Variants in INTU observed in about 807,000 individuals in gnomAD.
The protein encoded by INTU is protein inturned.
In INTU, 68 loss-of-function variants were observed where a neutral mutation model predicts 100.5. The observed-to-expected ratio is 0.68, with a 90% CI of 0.56 to 0.83. INTU has a LOEUF of 0.83. INTU is among the 40% of genes least tolerant of loss of function. The pLI is 0.00. For missense variants in INTU, 1,071 were observed against 1,114.7 expected (o/e 0.96, Z 0.56); for synonymous variants, 357 against 395.7 (o/e 0.90, Z 1.16).
intron 2 of INTU, among the ~76,000 whole-genome samples, chr4:127,647,252 T>C (rs532522149): frequency 6.6e-6 from 1 of 152,360 alleles, no homozygotes; most frequent in South Asian, 2.1e-4. Context: ...AGATTTATCA[T>C]CTTGCAATAA....
At chr4:127,638,038 G>GC (rs1727150825) in intron 1 of INTU, among the ~76,000 whole-genome samples, 1 of 152,162 alleles carries the variant, frequency 6.6e-6, no homozygotes, top group Non-Finnish European at 1.5e-5. Flanking sequence ...CAGCATACAT[G>GC]TTAATGATTG....
At chr4:127,678,942 G>A (rs1251982085) in intron 6 of INTU, among the ~76,000 whole-genome samples, 1 of 151,640 alleles carries the variant, frequency 6.6e-6, no homozygotes, top group African/African-American at 2.4e-5. Context: ...AAAAAGGCAG[G>A]GGTTGCAATC....
intron 2 of INTU, among the ~76,000 whole-genome samples, chr4:127,652,974 A>G (rs1727970767): frequency 6.7e-6 from 1 of 150,270 alleles, no homozygotes; most frequent in African/African-American, 2.5e-5. Context: ...CGAGGAATTT[A>G]TCCATTTCTT....
intron 6 of INTU, among the ~76,000 whole-genome samples, chr4:127,678,049 GA>G (rs1416092593): frequency 2.6e-5 from 4 of 152,088 alleles, no homozygotes; most frequent in Non-Finnish European, 5.9e-5. Flanking sequence ...GAAGTTTAGA[GA>G]AAAAAGAATA....
chr4:127,663,486 G>A lies in INTU; in HGVS notation c.874G>A (p.Gly292Arg), dbSNP rs1345192991. The stretch of plus-strand genomic sequence containing the variant: ...AAGTGATTTAGTCAAGCTTCTCTGG[G>A]GAGAAGAGGTTGAAGGTATCCAGCA... ...NTSDLVKLLWGEEVEGIQQSG... is the reference protein window; with the variant it reads ...NTSDLVKLLWREEVEGIQQSG... The change falls in exon 4 of 16, where the codon GGA (glycine) becomes AGA (arginine). Residue 292 changes from glycine to arginine, a missense_variant. By Grantham distance (125) the Gly-to-Arg change is moderately radical. Transcript: ENST00000335251. The A allele has an allele frequency of 2.5e-6, 4 of 1,612,740 alleles. No individual in the cohort carries two copies. In the East Asian group the frequency reaches 6.7e-5, roughly 27 times the overall value.
At chr4:127,640,402 CCTTTTAGTTTCTTCCT>C (rs1727258294) in intron 1 of INTU, among the ~76,000 whole-genome samples, 2 of 151,348 alleles carry the variant, frequency 1.3e-5, no homozygotes, top group South Asian at 4.2e-4. Flanking sequence ...TCTTTATCTT[CCTTTTAGTTTCTTCCT>C]CTTTTTAAAA....
intron 5 of INTU, among the ~76,000 whole-genome samples, chr4:127,670,918 GA>G (rs1487222850): frequency 6.6e-6 from 1 of 151,902 alleles, no homozygotes; most frequent in Non-Finnish European, 1.5e-5. Context: ...ATATGCAAAA[GA>G]ATGAAACTGA....
At chr4:127,680,713 A>G (rs1247308734) in intron 6 of INTU, among the ~76,000 whole-genome samples, 7 of 147,366 alleles carry the variant, frequency 4.8e-5, no homozygotes, top group Non-Finnish European at 6.0e-5. Context: ...GCCGTCTCTC[A>G]CCGCTCCTAT....
At chr4:127,709,074 TC>T in intron 13 of INTU, among the ~76,000 whole-genome samples, 1 of 152,298 alleles carries the variant, frequency 6.6e-6, no homozygotes, top group South Asian at 2.1e-4. Context: ...GCCTCACAGC[TC>T]CCCTAGCCTT....
chr4:127,663,132 T>C (rs1313363581), intron 3 of INTU, among the ~76,000 whole-genome samples: 1 of 152,196 alleles, frequency 6.6e-6, no homozygotes, highest in East Asian at 1.9e-4. Flanking sequence ...ATTAAATGAA[T>C]TTTATACAGA....
intron 4 of INTU, among the ~76,000 whole-genome samples, chr4:127,664,152 A>G (rs865879862): frequency 1.3e-5 from 2 of 152,140 alleles, no homozygotes; most frequent in South Asian, 2.1e-4. Context: ...TTTACATATT[A>G]TTTTTTAAAT....
At chr4:127,644,100 T>C in intron 2 of INTU, 44 bp downstream of exon 2, 1 of 1,548,034 alleles carries the variant, frequency 6.5e-7, no homozygotes, top group Non-Finnish European at 8.8e-7. Context: ...ACAGAGATCT[T>C]GATTAATGAT....
intron 3 of INTU, 129 bp downstream of exon 3, chr4:127,656,850 C>G: frequency 2.1e-6 from 1 of 471,346 alleles, no homozygotes; most frequent in Non-Finnish European, 3.7e-6. Flanking sequence ...CTGATACTTG[C>G]CTATTTAAGA....
At chr4:127,647,381 C>A (rs1262525289) in intron 2 of INTU, among the ~76,000 whole-genome samples, 1 of 152,218 alleles carries the variant, frequency 6.6e-6, no homozygotes, top group Non-Finnish European at 1.5e-5. Context: ...TCAGAGGCTA[C>A]CTGCATTCTT....
intron 2 of INTU, among the ~76,000 whole-genome samples, chr4:127,651,097 C>G (rs1727847111): frequency 6.6e-6 from 1 of 151,760 alleles, no homozygotes; most frequent in Non-Finnish European, 1.5e-5. Context: ...TGTTTGAGTT[C>G]ATTGTAGATT....
At chr4:127,653,517 T>C (rs963898550) in intron 2 of INTU, among the ~76,000 whole-genome samples, 2 of 152,088 alleles carry the variant, frequency 1.3e-5, no homozygotes, top group African/African-American at 2.4e-5. Flanking sequence ...TCAGTTTCCA[T>C]GTAGTTGAGC....
At chr4:127,691,980 A>ATATATATATATATATATATATATATATG (rs971919620) in intron 8 of INTU, among the ~76,000 whole-genome samples, 38 of 143,394 alleles carry the variant, frequency 2.7e-4, no homozygotes, top group Admixed American at 4.2e-4. Flanking sequence ...ATATATATAT[A>ATATATATATATATATATATATATATATG]TGTCACATTT....
chr4:127,663,581 A>G lies in INTU; in HGVS notation c.969A>G (p.Glu323=), dbSNP rs771920127. The G allele has an allele frequency of 5.6e-6, 9 of 1,612,522 alleles. No individual in the cohort carries two copies. The highest frequency in any genetic ancestry group is 6.8e-6 in the Non-Finnish European group (8 of 1,179,012). ...AGCTCGACTCAGAAACCTCAAAGGA[A>G]GAGGTGAGTGTCCTCAAAAGTCCAA... ...TLQLDSETSK[E]EQEILYHYPM... The change falls in exon 4 of 16, where the codon GAA becomes GAG. Residue 323 remains glutamate, a synonymous_variant. Transcript: ENST00000335251.
chr4:127,667,783 G>A (rs1728759414), intron 4 of INTU, among the ~76,000 whole-genome samples: 1 of 151,974 alleles, frequency 6.6e-6, no homozygotes, highest in Admixed American at 6.6e-5. Context: ...TACAATTTTA[G>A]TTGTTAGGCA....
Sources: gnomAD v4.1 joint callset for allele counts (sites outside exome capture counted in the v4.1 genomes callset) on GRCh38, gnomAD v4.1.1 for gene constraint, MANE v1.5 for transcripts, NCBI Gene and HGNC (gene_info 2026-07-23, HGNC 2026-07-21) for gene names.